The following ST8SIA4 variants were observed in gnomAD, a reference collection of about 807,000 sequenced individuals.
ST8SIA4 encodes ST8 alpha-N-acetyl-neuraminide alpha-2,8-sialyltransferase 4.
Under a neutral mutation model 33.9 loss-of-function variants are expected in ST8SIA4, and 15 were observed. The observed-to-expected ratio is 0.44, with a 90% CI of 0.30 to 0.68. The LOEUF (loss-of-function observed/expected upper bound fraction) is 0.68. Among genes scored for constraint, ST8SIA4 ranks in the 30% least tolerant of loss-of-function variants. The pLI is 0.10. For missense variants in ST8SIA4, 321 were observed against 428.0 expected, an observed-to-expected ratio of 0.75 and a Z score of 2.21; for synonymous variants, 171 against 151.2, an observed-to-expected ratio of 1.13 and a Z score of -0.96.
At chr5:100,850,087 C>A (rs1355811068) in intron 4 of ST8SIA4, among the ~76,000 whole-genome samples, 1 of 152,094 alleles carries the variant, frequency 6.6e-6, no homozygotes, top group Non-Finnish European at 1.5e-5. Context: ...TTTGCCATTA[C>A]TTTCAATGGC....
chr5:100,828,764 C>G (rs1751194080), intron 4 of ST8SIA4, among the ~76,000 whole-genome samples: 1 of 151,988 alleles, frequency 6.6e-6, no homozygotes, highest in South Asian at 2.1e-4. Context: ...AGCATTGGTT[C>G]AAGTCAAAAG....
rs533594020 is a variant in ST8SIA4, at chr5:100,867,156, G to A, written c.504-10760C>T. On this transcript the variant is annotated intron_variant, in intron 3 of 4. Coordinates refer to ENST00000231461, the MANE Select transcript of ST8SIA4 (RefSeq NM_005668.6). ...TCTGCCTTTGTAATTAAAAAGAAGT[G>A]TAATTTTTATTTGCCTGAGGAATGC... 2.6e-5 allele frequency among the ~76,000 whole-genome samples: 4 copies of A among 152,172 alleles called. No homozygotes were observed. The South Asian group carries it at 8.3e-4, about 32-fold the overall frequency.
intron 3 of ST8SIA4, among the ~76,000 whole-genome samples, chr5:100,884,746 G>A (rs1752500424): frequency 6.6e-6 from 1 of 152,102 alleles, no homozygotes; most frequent in Admixed American, 6.6e-5. Flanking sequence ...GCCAGATCAG[G>A]AAGCAATAAG....
At chr5:100,871,001 T>G (rs1752187257) in intron 3 of ST8SIA4, among the ~76,000 whole-genome samples, 1 of 152,144 alleles carries the variant, frequency 6.6e-6, no homozygotes, top group South Asian at 2.1e-4. Context: ...TTCGTTTTAG[T>G]AGTAATTTTA....
At chr5:100,849,116 A>G (rs1277597170) in intron 4 of ST8SIA4, 1 of 964,378 alleles carries the variant, frequency 1.0e-6, no homozygotes, top group East Asian at 1.1e-4. Context: ...GAACCTGTTT[A>G]GGAAGTTACA....
At chr5:100,814,189 T>C (rs1438892967) in intron 4 of ST8SIA4, among the ~76,000 whole-genome samples, 1 of 151,962 alleles carries the variant, frequency 6.6e-6, no homozygotes, top group Non-Finnish European at 1.5e-5. Context: ...AGACGTGAAA[T>C]CACTCCAAAT....
intron 4 of ST8SIA4, among the ~76,000 whole-genome samples, chr5:100,854,768 A>G (rs1315969233): frequency 1.3e-5 from 2 of 152,188 alleles, no homozygotes; most frequent in African/African-American, 4.8e-5. Context: ...AGTATAAGAA[A>G]CTATTTTTAA....
At chr5:100,814,187 A>T (rs1750868553) in intron 4 of ST8SIA4, among the ~76,000 whole-genome samples, 1 of 152,024 alleles carries the variant, frequency 6.6e-6, no homozygotes, top group Non-Finnish European at 1.5e-5. Flanking sequence ...AGAGACGTGA[A>T]ATCACTCCAA....
At chr5:100,876,943 A>T (rs1752319964) in intron 3 of ST8SIA4, among the ~76,000 whole-genome samples, 1 of 152,062 alleles carries the variant, frequency 6.6e-6, no homozygotes, top group African/African-American at 2.4e-5. Context: ...TAAAAGCATT[A>T]TTTAACGTAA....
chr5:100,857,270 T>C (rs1184876471), intron 3 of ST8SIA4, among the ~76,000 whole-genome samples: 1 of 151,956 alleles, frequency 6.6e-6, no homozygotes, highest in African/African-American at 2.4e-5. Context: ...AACATTCTTA[T>C]ATTAGAAGAA....
At chr5:100,838,372 T>G (rs1018060657) in intron 4 of ST8SIA4, among the ~76,000 whole-genome samples, 3 of 152,018 alleles carry the variant, frequency 2.0e-5, no homozygotes, top group Non-Finnish European at 4.4e-5. Context: ...GTCATGAGTC[T>G]GCTACCTCTC....
Position 100,895,716 on chromosome 5 carries a change from A to C in ST8SIA4, c.183T>G (p.Ser61=). ...SSDKIIRKAG[S]SIFQHNVEGW... Reference sequence around the variant, plus strand: ...CTTCTACATTGTGCTGGAAGATTGAAGAGCCAGCCTTTCGAATGATTTTAT... The same window carrying C: ...CTTCTACATTGTGCTGGAAGATTGACGAGCCAGCCTTTCGAATGATTTTAT... Residue 61 remains serine (S), a synonymous_variant, in exon 2 of 5, where the codon TCT becomes TCG. Transcript: ENST00000231461. 3 of 1,613,000 alleles carry C rather than the reference A, an allele frequency of 1.9e-6. No homozygotes were observed. The highest frequency in any genetic ancestry group is 2.5e-6 in the Non-Finnish European group (3 of 1,179,188).
chr5:100,822,848 A>G (rs1011639348), intron 4 of ST8SIA4, among the ~76,000 whole-genome samples: 1 of 152,120 alleles, frequency 6.6e-6, no homozygotes, highest in Non-Finnish European at 1.5e-5. Flanking sequence ...TGCAATAAAG[A>G]AACCAGGCGA....
rs540562796 is a variant in ST8SIA4 at position 100,903,043 on chromosome 5, G to A, written c.-88C>T. The A allele has an allele frequency of 9.7e-6, 9 of 925,218 alleles. No homozygotes were observed. The highest frequency in any genetic ancestry group is 6.9e-5 in the South Asian group (5 of 72,712). 57.3% of individuals were successfully genotyped at this position (925,218 alleles called of 1,614,324 possible). A position where few individuals can be genotyped will look rare whatever the true frequency, so the allele number is the denominator to read the frequency against. ...CCGTTTTGGGGAGATAGTCGCGGGG[G>A]TGAAATCTGTAAAATGCGAGGAGAG... On this transcript the variant is annotated 5_prime_UTR_variant, in exon 1 of 5. Transcript: ENST00000231461.
intron 4 of ST8SIA4, among the ~76,000 whole-genome samples, chr5:100,816,235 A>G (rs1750913795): frequency 2.0e-5 from 3 of 152,070 alleles, no homozygotes. Context: ...CAAAGAAAAG[A>G]AGGTACCTAA....
At chr5:100,891,936 T>C (rs1427696533) in intron 2 of ST8SIA4, among the ~76,000 whole-genome samples, 1 of 152,070 alleles carries the variant, frequency 6.6e-6, no homozygotes, top group East Asian at 1.9e-4. Context: ...AGTAAATCTA[T>C]GTATGCAATA....
intron 3 of ST8SIA4, among the ~76,000 whole-genome samples, chr5:100,865,640 TC>T (rs1269873246): frequency 6.6e-6 from 1 of 152,134 alleles, no homozygotes; most frequent in Admixed American, 6.5e-5. Context: ...TCCATAAACT[TC>T]TTGTTTTTTT....
At position 100,893,319 on chromosome 5, in the gene ST8SIA4, CTT is replaced by C. The variant is rs141502535; in HGVS notation, c.245+2333_245+2334del. ...TAGCCAATTCTAATTTTTATGAACT[CTT>C]TGCACATTGTACAATAATGGTTTTA... On this transcript the variant is annotated intron_variant, in intron 2 of 4. Transcript: ENST00000231461. Among the ~76,000 whole-genome samples the C allele has an allele frequency of 9.3e-3, 1,414 of 152,254 alleles. 17 individuals carry two copies. Among genetic ancestry groups the C allele is most frequent in the African/African-American group, 0.03 (1,261 of 41,568 alleles).
chr5:100,817,159 G>T (rs1264844934), intron 4 of ST8SIA4, among the ~76,000 whole-genome samples: 1 of 110,272 alleles, frequency 9.1e-6, no homozygotes, highest in East Asian at 2.9e-4. Context: ...GGTAGAGACT[G>T]GGTTTCACCA....
Sources: allele counts gnomAD v4.1 joint callset (sites outside exome capture counted in the v4.1 genomes callset), GRCh38; gene constraint gnomAD v4.1.1; transcripts MANE v1.5; gene names NCBI Gene and HGNC (gene_info 2026-07-23, HGNC 2026-07-21).